PKP4: variants seen among roughly 807,000 people sequenced by gnomAD.
PKP4 encodes plakophilin-4.
PKP4 carries 90 observed loss-of-function variants against 145.1 expected under a neutral mutation model. The observed-to-expected ratio is 0.62, with a 90% CI of 0.52 to 0.74. The LOEUF is 0.74. Among genes scored for constraint, PKP4 ranks in the 30% least tolerant of loss-of-function variants. PKP4 has a pLI of 0.00. For synonymous variants in PKP4, 563 were observed against 577.2 expected (o/e 0.98, Z 0.35); for missense variants, 1,340 against 1,482.7 (o/e 0.90, Z 1.58).
intron 7 of PKP4, among the ~76,000 whole-genome samples, chr2:158,631,333 C>T (rs1035929463): frequency 1.3e-5 from 2 of 152,048 alleles, no homozygotes; most frequent in Non-Finnish European, 1.5e-5. Context: ...TTAGACTTAA[C>T]ACTTGGTCCT....
At chr2:158,573,198 C>T (rs981030681) in intron 2 of PKP4, among the ~76,000 whole-genome samples, 2 of 152,224 alleles carry the variant, frequency 1.3e-5, no homozygotes, top group African/African-American at 4.8e-5. Flanking sequence ...GCTAGATCTA[C>T]ATGTATTGAT....
intron 3 of PKP4, among the ~76,000 whole-genome samples, chr2:158,591,235 C>G (rs1189031762): frequency 6.6e-6 from 1 of 151,888 alleles, no homozygotes; most frequent in South Asian, 2.1e-4. Flanking sequence ...TTTAAACCAC[C>G]CAACTGTTTT....
At chr2:158,590,844 A>G (rs536629634) in intron 3 of PKP4, among the ~76,000 whole-genome samples, 2 of 152,246 alleles carry the variant, frequency 1.3e-5, no homozygotes, top group African/African-American at 4.8e-5. Flanking sequence ...GAGAAGTTTT[A>G]CAATGAATGG....
At chr2:158,490,927 C>T (rs1053030422) in intron 1 of PKP4, among the ~76,000 whole-genome samples, 3 of 152,158 alleles carry the variant, frequency 2.0e-5, no homozygotes, top group African/African-American at 4.8e-5. Context: ...CTACATCTAC[C>T]TCCCACGGCC....
chr2:158,548,225 A>T (rs1004309948), intron 2 of PKP4, among the ~76,000 whole-genome samples: 6 of 152,222 alleles, frequency 3.9e-5, no homozygotes, highest in Non-Finnish European at 4.4e-5. Context: ...TGGAAATAAC[A>T]TCTTATGCTT....
intron 1 of PKP4, among the ~76,000 whole-genome samples, chr2:158,492,527 C>A (rs995363935): frequency 7.3e-4 from 111 of 152,236 alleles, no homozygotes; most frequent in African/African-American, 2.5e-3. Context: ...ACCCCGTTTC[C>A]CTTTGGCTTC....
intron 1 of PKP4, among the ~76,000 whole-genome samples, chr2:158,458,935 GA>G (rs11312734): frequency 0.15 from 21,828 of 146,034 alleles, 2,173 homozygotes; most frequent in African/African-American, 0.28. Flanking sequence ...GAGTTTGACT[GA>G]AAAAAAAAAA....
chr2:158,528,645 A>AG (rs1438898241), intron 1 of PKP4, among the ~76,000 whole-genome samples: 78 of 141,416 alleles, frequency 5.5e-4, no homozygotes, highest in African/African-American at 1.6e-3. Context: ...ATAAAAAAAA[A>AG]AAAAGAAAAG....
Position 158,625,207 on chromosome 2 carries a change from A to T in PKP4, c.933A>T (p.Arg311Ser), listed in dbSNP as rs751376469. 4.3e-6 allele frequency: 7 copies of T among 1,614,132 alleles called. No individual in the cohort carries two copies. The highest frequency in any genetic ancestry group is 5.9e-6 in the Non-Finnish European group (7 of 1,180,020). Residue 311 changes from arginine to serine, a missense_variant, in exon 7 of 22, where the codon AGA (arginine) becomes AGT (serine). Physicochemically the swap from Arg to Ser is moderately radical, Grantham distance 110. Transcript: ENST00000389759. ...CCCCTCAATACCAAACCACCGCCAGAGTGGGGTCCCCACTGACCCTGACGG... is the reference window on the plus strand; with the variant it reads ...CCCCTCAATACCAAACCACCGCCAGTGTGGGGTCCCCACTGACCCTGACGG... Reference protein sequence around the residue: ...GPTPQYQTTARVGSPLTLTDA... With the variant: ...GPTPQYQTTASVGSPLTLTDA...
intron 3 of PKP4, among the ~76,000 whole-genome samples, chr2:158,600,899 C>A (rs2050170724): frequency 6.6e-6 from 1 of 152,014 alleles, no homozygotes; most frequent in East Asian, 1.9e-4. Context: ...CCTAGGAATA[C>A]CTATTATATT....
At chr2:158,481,071 T>G (rs1265281162) in intron 1 of PKP4, among the ~76,000 whole-genome samples, 4 of 152,248 alleles carry the variant, frequency 2.6e-5, no homozygotes, top group Admixed American at 2.0e-4. Context: ...TTAATTTCTT[T>G]TTAAAAGTGA....
chr2:158,680,620 T>C lies in PKP4; in HGVS notation c.3522T>C (p.Thr1174=), dbSNP rs1229124843. The C allele has an allele frequency of 6.2e-7, 1 of 1,613,792 alleles. No homozygotes were observed. The change falls in exon 22 of 22, where the codon ACT becomes ACC. Residue 1174 remains threonine, a synonymous_variant. Coordinates refer to ENST00000389759, the MANE Select transcript of PKP4 (RefSeq NM_003628.6). ...CAAATTATGTAGACTTTTATTCCAC[T>C]AAACGACCTTCTTATAGAGCAGAAC... is the stretch of plus-strand genomic sequence containing the variant. The part of the protein sequence containing the change: ...STTNYVDFYS[T]KRPSYRAEQY...
chr2:158,476,175 C>A (rs966820187), intron 1 of PKP4, among the ~76,000 whole-genome samples: 1 of 152,080 alleles, frequency 6.6e-6, no homozygotes, highest in Non-Finnish European at 1.5e-5. Context: ...GGTACACATG[C>A]GATTGTATCT....
intron 3 of PKP4, among the ~76,000 whole-genome samples, chr2:158,588,689 T>C (rs2049005835): frequency 6.6e-6 from 1 of 152,230 alleles, no homozygotes; most frequent in Non-Finnish European, 1.5e-5. Context: ...GAAATAACTT[T>C]CTTTCTACCT....
intron 6 of PKP4, among the ~76,000 whole-genome samples, chr2:158,623,652 G>A (rs888141520): frequency 6.6e-6 from 1 of 152,116 alleles, no homozygotes; most frequent in African/African-American, 2.4e-5. Flanking sequence ...GTTTCAGCCA[G>A]CCCAGTTGCA....
intron 11 of PKP4, among the ~76,000 whole-genome samples, chr2:158,651,225 A>G (rs111829602): frequency 0.078 from 11,819 of 152,178 alleles, 647 homozygotes; most frequent in Middle Eastern, 0.21. Flanking sequence ...GTTTTATGGC[A>G]CTGATTCTCC....
intron 1 of PKP4, among the ~76,000 whole-genome samples, chr2:158,521,990 A>G (rs2042421436): frequency 6.6e-6 from 1 of 152,116 alleles, no homozygotes; most frequent in Admixed American, 6.5e-5. Flanking sequence ...CTTAGGCATC[A>G]TTATTTTGTC....
intron 1 of PKP4, among the ~76,000 whole-genome samples, chr2:158,474,120 T>C (rs1692055185): frequency 6.6e-6 from 1 of 152,366 alleles, no homozygotes; most frequent in African/African-American, 2.4e-5. Flanking sequence ...TTCATCCTCA[T>C]AGTCATTAAC....
chr2:158,545,072 A>C (rs761536171), intron 2 of PKP4, among the ~76,000 whole-genome samples: 59 of 35,652 alleles, frequency 1.7e-3, no homozygotes, highest in Admixed American at 3.1e-3. Flanking sequence ...TAAGTCTTTC[A>C]CTTTTTTTTT....
Sources: gnomAD v4.1 joint callset for allele counts (sites outside exome capture counted in the v4.1 genomes callset) on GRCh38, gnomAD v4.1.1 for gene constraint, MANE v1.5 for transcripts, NCBI Gene and HGNC (gene_info 2026-07-23, HGNC 2026-07-21) for gene names.